SEC16B: variants seen among roughly 807,000 people sequenced by gnomAD.
SEC16B encodes the protein protein transport protein Sec16B.
In SEC16B, 115 loss-of-function variants were observed where a neutral mutation model predicts 141.8. The ratio of observed to expected loss-of-function variants is 0.81; its 90% CI spans 0.70 to 0.95. The LOEUF (loss-of-function observed/expected upper bound fraction) is 0.95, where lower values mean the gene tolerates loss of function less well. Ranked by LOEUF, SEC16B falls within the 40% of genes least tolerant of loss-of-function variation. The probability of loss-of-function intolerance (pLI) is 0.00; values close to 1 mark genes in which losing one functional copy is unlikely to be tolerated. For missense variants in SEC16B, 1,291 were observed against 1,312.3 expected (o/e 0.98, Z 0.25); for synonymous variants, 493 against 492.5 (o/e 1.00, Z -0.01).
intron 10 of SEC16B, among the ~76,000 whole-genome samples, chr1:177,957,385 A>G (rs1652691025): frequency 1.3e-5 from 2 of 152,150 alleles, no homozygotes; most frequent in South Asian, 4.1e-4. Context: ...GTATTTTACC[A>G]TATCATCTTA....
intron 12 of SEC16B, among the ~76,000 whole-genome samples, chr1:177,949,420 AC>A (rs1259163973): frequency 1.3e-4 from 20 of 151,218 alleles, no homozygotes; most frequent in African/African-American, 4.9e-4. Context: ...ACACACACAC[AC>A]ACACACACAA....
At chr1:177,930,870 T>C (rs1277678724) in intron 24 of SEC16B, among the ~76,000 whole-genome samples, 2 of 152,060 alleles carry the variant, frequency 1.3e-5, no homozygotes, top group African/African-American at 4.8e-5. Context: ...GAAATGCAAA[T>C]TAAAGCCACA....
intron 1 of SEC16B, among the ~76,000 whole-genome samples, chr1:177,977,601 A>C (rs1463133451): frequency 6.6e-6 from 1 of 152,158 alleles, no homozygotes; most frequent in Admixed American, 6.5e-5. Context: ...TGCATGATAC[A>C]CACAGTCACA....
At chr1:177,983,250 C>T (rs1161815719) in intron 1 of SEC16B, among the ~76,000 whole-genome samples, 1 of 152,164 alleles carries the variant, frequency 6.6e-6, no homozygotes, top group African/African-American at 2.4e-5. Flanking sequence ...CCATATGGTT[C>T]ACTGGGATCA....
Position 177,944,484 on chromosome 1 carries a change from CA to C in SEC16B, c.1881+76del. 3.3e-6 allele frequency: 4 copies of C among 1,218,762 alleles called. No homozygotes were observed. In the East Asian group the frequency reaches 7.0e-5, roughly 21 times the overall value. 75.5% of individuals were successfully genotyped at this position (1,218,762 alleles called of 1,614,324 possible). ...TAACTTAGCCCCAGGTACTAAGTGC[CA>C]AAAAGCAAAGCTGCAAATACAGCTG... On this transcript the variant is annotated intron_variant, in intron 15 of 25. Transcript: ENST00000308284.
intron 22 of SEC16B, 113 bp from the exon 23 acceptor site, chr1:177,932,919 G>A (rs1650555634): frequency 1.9e-6 from 2 of 1,036,766 alleles, no homozygotes; most frequent in Non-Finnish European, 2.9e-6. Flanking sequence ...AACTGCTGCT[G>A]GGCACTCCCC....
Position 177,936,306 on chromosome 1 carries a change from T to C in SEC16B, c.2563A>G (p.Lys855Glu). The C allele has an allele frequency of 6.2e-7, 1 of 1,610,186 alleles. No individual in the cohort carries two copies. The highest frequency in any genetic ancestry group is 8.5e-7 in the Non-Finnish European group (1 of 1,178,428). ...QPPDGQEVIS[K>E]PQTPLAARPR... Reference sequence around the variant, plus strand: ...ATGCTGTGCGCTCTCACCTGTGGTTTGGAAATGACCTCTTGGCCATCAGGA... The same window carrying C: ...ATGCTGTGCGCTCTCACCTGTGGTTCGGAAATGACCTCTTGGCCATCAGGA... The change falls in exon 20 of 26, where the codon AAA becomes GAA. Residue 855 changes from lysine to glutamate, a missense_variant. Lys to Glu is a moderately conservative substitution (Grantham distance 56). Transcript: ENST00000308284.
At chr1:177,965,812 G>T in intron 3 of SEC16B, 81 bp downstream of exon 3, 1 of 794,120 alleles carries the variant, frequency 1.3e-6, no homozygotes. Flanking sequence ...TCTGAACATG[G>T]CTCCTTTGGT....
At chr1:177,938,005 G>A (rs1650990734) in intron 18 of SEC16B, among the ~76,000 whole-genome samples, 2 of 152,126 alleles carry the variant, frequency 1.3e-5, no homozygotes, top group Admixed American at 6.5e-5. Context: ...GCCAGGCAAT[G>A]GTTAAGTCCC....
intron 18 of SEC16B, among the ~76,000 whole-genome samples, chr1:177,938,026 A>G (rs1396849050): frequency 6.6e-6 from 1 of 152,124 alleles, no homozygotes; most frequent in Non-Finnish European, 1.5e-5. Flanking sequence ...GCACCCCTAC[A>G]CCTTAAGAAA....
At chr1:177,965,432 A>C (rs1653442215) in intron 3 of SEC16B, among the ~76,000 whole-genome samples, 1 of 129,116 alleles carries the variant, frequency 7.7e-6, no homozygotes, top group Non-Finnish European at 1.6e-5. Context: ...GTTGAAACAG[A>C]TTTATCTTTC....
chr1:177,950,899 AGAAGGAAG>A (rs939708435), intron 12 of SEC16B, among the ~76,000 whole-genome samples: 1 of 146,318 alleles, frequency 6.8e-6, no homozygotes, highest in Non-Finnish European at 1.5e-5. Context: ...AAGGAAGGAA[AGAAGGAAG>A]GAAGGAAGAA....
chr1:177,947,678 A>T, intron 13 of SEC16B, 147 bp downstream of exon 13: 1 of 560,210 alleles, frequency 1.8e-6, no homozygotes, highest in Non-Finnish European at 3.2e-6. Flanking sequence ...CAGGATGTTT[A>T]AAGCTGACCT....
At chr1:177,936,090 A>G (rs1181483119) in intron 20 of SEC16B, among the ~76,000 whole-genome samples, 1 of 152,202 alleles carries the variant, frequency 6.6e-6, no homozygotes, top group Non-Finnish European at 1.5e-5. Context: ...CCCCATGGAC[A>G]CAGGTTTGTG....
chr1:177,949,719 A>T (rs1037923634), intron 12 of SEC16B, among the ~76,000 whole-genome samples: 2 of 152,172 alleles, frequency 1.3e-5, no homozygotes, highest in Non-Finnish European at 2.9e-5. Flanking sequence ...CCCTGGCAGA[A>T]AGATGTACAT....
chr1:177,969,632 C>CCAAATCT (rs1557994153), intron 1 of SEC16B, among the ~76,000 whole-genome samples: 2 of 152,212 alleles, frequency 1.3e-5, no homozygotes, highest in Non-Finnish European at 2.9e-5. Flanking sequence ...AATCTTTCCA[C>CCAAATCT]TGAAATCACA....
intron 1 of SEC16B, among the ~76,000 whole-genome samples, chr1:177,976,777 A>T (rs548689730): frequency 7.2e-5 from 11 of 152,340 alleles, no homozygotes; most frequent in African/African-American, 2.4e-4. Flanking sequence ...TCAGTAAGGG[A>T]TTAACTGATT....
At chr1:177,931,872 G>A (rs939376197) in intron 24 of SEC16B, among the ~76,000 whole-genome samples, 1 of 152,120 alleles carries the variant, frequency 6.6e-6, no homozygotes, top group Non-Finnish European at 1.5e-5. Flanking sequence ...TCAAGAATTT[G>A]TCACAGCCCT....
chr1:177,974,173 G>A (rs1254300069), upstream of SEC16B, among the ~76,000 whole-genome samples: 2 of 152,166 alleles, frequency 1.3e-5, no homozygotes, highest in East Asian at 3.9e-4. Context: ...CAGTTTGGTG[G>A]GGAAGATGAT....
Sources: allele counts gnomAD v4.1 joint callset (sites outside exome capture counted in the v4.1 genomes callset), GRCh38; gene constraint gnomAD v4.1.1; transcripts MANE v1.5; gene names NCBI Gene and HGNC (gene_info 2026-07-23, HGNC 2026-07-21).